Variants in ANKRD17 observed in about 807,000 individuals in gnomAD.
The protein encoded by ANKRD17 is ankyrin repeat domain 17.
Under a neutral mutation model 229.7 loss-of-function variants are expected in ANKRD17, and 19 were observed. That is an observed-to-expected ratio of 0.08 (90% CI 0.06 to 0.12). The LOEUF (loss-of-function observed/expected upper bound fraction) is 0.12, where lower values mean the gene tolerates loss of function less well. Among genes scored for constraint, ANKRD17 ranks in the 10% least tolerant of loss-of-function variants. The probability of loss-of-function intolerance (pLI) is 1.00; values close to 1 mark genes in which losing one functional copy is unlikely to be tolerated. For synonymous variants in ANKRD17, 1,112 were observed against 1,146.1 expected (o/e 0.97, Z 0.60); for missense variants, 2,176 against 3,176.8 (o/e 0.68, Z 7.57).
In ANKRD17 at chr4:73,247,557, A is replaced by AAC. The variant is rs137903467; in HGVS notation, c.393+10717_393+10718dup. On this transcript the variant is annotated intron_variant, in intron 1 of 33. Transcript: ENST00000358602. Reference sequence around the variant, plus strand: ...AATGTGGCAAATATTAACATACTCTAACACACACACACACGCACTCAGTCT... The same window carrying AAC: ...AATGTGGCAAATATTAACATACTCTAACACACACACACACACGCACTCAGTCT... Among the ~76,000 whole-genome samples the AAC allele has an allele frequency of 3.9e-3, 596 of 151,528 alleles. 3 individuals are homozygous for AAC. Among genetic ancestry groups the AAC allele is most frequent in the African/African-American group, 0.013 (528 of 41,418 alleles).
At chr4:73,112,541 TGAA>T (rs1725442646) in intron 24 of ANKRD17, 1 of 403,586 alleles carries the variant, frequency 2.5e-6, no homozygotes. Context: ...TTTTTAAAAA[TGAA>T]GAGCTTCCAA....
At chr4:73,175,994 A>G (rs1414262698) in intron 2 of ANKRD17, among the ~76,000 whole-genome samples, 1 of 152,066 alleles carries the variant, frequency 6.6e-6, no homozygotes, top group Non-Finnish European at 1.5e-5. Context: ...ACAGGAAAAA[A>G]AAAAAAATCA....
At chr4:73,086,919 A>AAAAAAAAAT (rs1553911000) in intron 29 of ANKRD17, among the ~76,000 whole-genome samples, 3 of 12,464 alleles carry the variant, frequency 2.4e-4, no homozygotes, top group Non-Finnish European at 3.5e-4. Flanking sequence ...AAAAAAAAAA[A>AAAAAAAAAT]ATATATATAT....
intron 16 of ANKRD17, among the ~76,000 whole-genome samples, chr4:73,131,705 T>C (rs970487449): frequency 6.6e-6 from 1 of 152,192 alleles, no homozygotes; most frequent in Non-Finnish European, 1.5e-5. Context: ...ACTAATTAGC[T>C]GTTGGGCAAG....
At chr4:73,087,204 G>C (rs1321081096) in intron 29 of ANKRD17, among the ~76,000 whole-genome samples, 1 of 151,320 alleles carries the variant, frequency 6.6e-6, no homozygotes, top group East Asian at 1.9e-4. Flanking sequence ...TCCTGCCTCA[G>C]CCTCCCAAGT....
chr4:73,242,800 C>T (rs1247662309), intron 1 of ANKRD17, among the ~76,000 whole-genome samples: 2 of 152,124 alleles, frequency 1.3e-5, no homozygotes, highest in Non-Finnish European at 2.9e-5. Flanking sequence ...GTCTCCCACC[C>T]CACTTCCACC....
chr4:73,141,691 A>G (rs768976308), intron 14 of ANKRD17, 50 bp downstream of exon 14: 1 of 1,532,650 alleles, frequency 6.5e-7, no homozygotes, highest in Non-Finnish European at 9.0e-7. Flanking sequence ...TGGTAATCTT[A>G]TTTTTACCTG....
At chr4:73,244,133 A>C (rs943974309) in intron 1 of ANKRD17, among the ~76,000 whole-genome samples, 1 of 152,042 alleles carries the variant, frequency 6.6e-6, no homozygotes, top group Non-Finnish European at 1.5e-5. Context: ...CTCTTTTTAT[A>C]AGTACATCAG....
chr4:73,174,488 G>C (rs1030902025), intron 2 of ANKRD17, among the ~76,000 whole-genome samples: 3 of 152,084 alleles, frequency 2.0e-5, no homozygotes, highest in Non-Finnish European at 2.9e-5. Context: ...CACTAAATGG[G>C]AAAATGTTGA....
chr4:73,109,536 T>C (rs1725049049), intron 24 of ANKRD17, among the ~76,000 whole-genome samples: 1 of 152,090 alleles, frequency 6.6e-6, no homozygotes, highest in South Asian at 2.1e-4. Flanking sequence ...GGTCACCTAC[T>C]GAAGGTGAAA....
chr4:73,130,961 A>G (rs1560566129), intron 16 of ANKRD17, among the ~76,000 whole-genome samples: 1 of 152,208 alleles, frequency 6.6e-6, no homozygotes, highest in African/African-American at 2.4e-5. Context: ...CAGAACCCAC[A>G]AATAAGTTTG....
At chr4:73,157,838 C>G (rs979680771) in intron 3 of ANKRD17, among the ~76,000 whole-genome samples, 39 of 152,078 alleles carry the variant, frequency 2.6e-4, no homozygotes, top group African/African-American at 9.2e-4. Flanking sequence ...GCCTGTAATC[C>G]CAGCACTTTG....
intron 1 of ANKRD17, among the ~76,000 whole-genome samples, chr4:73,191,845 T>C (rs942793367): frequency 6.6e-6 from 1 of 152,028 alleles, no homozygotes; most frequent in African/African-American, 2.4e-5. Flanking sequence ...GAATCTAAAA[T>C]CAACATTTAA....
At chr4:73,146,255 C>A (rs769776172) in intron 10 of ANKRD17, among the ~76,000 whole-genome samples, 1 of 152,140 alleles carries the variant, frequency 6.6e-6, no homozygotes, top group Non-Finnish European at 1.5e-5. Context: ...CTTTACTCTG[C>A]ATTTTCACTA....
intron 1 of ANKRD17, among the ~76,000 whole-genome samples, chr4:73,243,151 G>A (rs142811723): frequency 2.6e-5 from 4 of 152,238 alleles, no homozygotes; most frequent in African/African-American, 4.8e-5. Context: ...GCTACTAGAC[G>A]ACAGTCAAGG....
chr4:73,249,707 A>T (rs1744813121), intron 1 of ANKRD17, among the ~76,000 whole-genome samples: 1 of 152,204 alleles, frequency 6.6e-6, no homozygotes, highest in African/African-American at 2.4e-5. Flanking sequence ...TACAAAAATT[A>T]GCCGGGCGTG....
At chr4:73,107,603 C>G (rs1724801807) in intron 24 of ANKRD17, among the ~76,000 whole-genome samples, 1 of 152,104 alleles carries the variant, frequency 6.6e-6, no homozygotes. Flanking sequence ...AATCAGTGTA[C>G]CCCTCATGAG....
chr4:73,180,792 G>A (rs998100339), intron 1 of ANKRD17, among the ~76,000 whole-genome samples: 9 of 152,104 alleles, frequency 5.9e-5, no homozygotes, highest in African/African-American at 1.7e-4. Flanking sequence ...TACCAGAATT[G>A]CTTTAGCTGT....
At chr4:73,106,315 A>G (rs563137468) in intron 24 of ANKRD17, among the ~76,000 whole-genome samples, 2 of 152,284 alleles carry the variant, frequency 1.3e-5, no homozygotes, top group African/African-American at 2.4e-5. Context: ...GATGATTTCT[A>G]ATTGAGGGCT....
Sources: allele counts gnomAD v4.1 joint callset (sites outside exome capture counted in the v4.1 genomes callset), GRCh38; gene constraint gnomAD v4.1.1; transcripts MANE v1.5; gene names NCBI Gene and HGNC (gene_info 2026-07-23, HGNC 2026-07-21).